The following PDE4D variants were observed in gnomAD, a reference collection of about 807,000 sequenced individuals.
The protein encoded by PDE4D is phosphodiesterase 4D, also known as 3',5'-cyclic-AMP phosphodiesterase 4D.
PDE4D carries 24 observed loss-of-function variants against 87.4 expected under a neutral mutation model. The ratio of observed to expected loss-of-function variants is 0.27; its 90% CI spans 0.20 to 0.39. The LOEUF is 0.39. Ranked by LOEUF, PDE4D falls within the 10% of genes least tolerant of loss-of-function variation. PDE4D has a pLI of 1.00. For missense variants in PDE4D, 714 were observed against 1,041.0 expected, an observed-to-expected ratio of 0.69 and a Z score of 4.32; for synonymous variants, 384 against 383.2, an observed-to-expected ratio of 1.00 and a Z score of -0.02.
chr5:59,333,123 T>C (rs1777032998), intron 1 of PDE4D, among the ~76,000 whole-genome samples: 1 of 152,204 alleles, frequency 6.6e-6, no homozygotes, highest in Non-Finnish European at 1.5e-5. Flanking sequence ...AGGAAAACTC[T>C]TTTGTAGCCA....
chr5:59,661,074 T>TA (rs10646455), intron 1 of PDE4D, among the ~76,000 whole-genome samples: 2 of 140,082 alleles, frequency 1.4e-5, no homozygotes, highest in Non-Finnish European at 3.0e-5. Context: ...CATGATAATA[T>TA]TATATATATA....
chr5:60,320,374 G>A (rs575433169), intron 1 of PDE4D, among the ~76,000 whole-genome samples: 3 of 152,270 alleles, frequency 2.0e-5, no homozygotes, highest in East Asian at 1.9e-4. Context: ...TCCGGATGCC[G>A]TCTGTCACCC....
chr5:59,225,060 C>G (rs1753443266), intron 1 of PDE4D, among the ~76,000 whole-genome samples: 1 of 152,166 alleles, frequency 6.6e-6, no homozygotes, highest in African/African-American at 2.4e-5. Context: ...CTGAAACTCT[C>G]TCTAAGAAAG....
chr5:59,185,220 A>G lies in PDE4D; in HGVS notation c.727T>C (p.Leu243=). The G allele has an allele frequency of 6.2e-7, 1 of 1,613,014 alleles. No individual in the cohort carries two copies. The highest frequency in any genetic ancestry group is 8.5e-7 in the Non-Finnish European group (1 of 1,179,228). Residue 243 remains leucine (L), a synonymous_variant, in exon 4 of 15, where the codon TTA becomes CTA. Coordinates refer to ENST00000340635, the MANE Select transcript of PDE4D (RefSeq NM_001104631.2). ...GGTGCTCGATCTTGCAAATTAGTTAATGCAGCAAAGTTGTTTCGTACAGTT... is the reference window on the plus strand; with the variant it reads ...GGTGCTCGATCTTGCAAATTAGTTAGTGCAGCAAAGTTGTTTCGTACAGTT... The part of the protein sequence containing the change: ...LRTVRNNFAA[L]TNLQDRAPSK...
chr5:59,690,187 T>C lies in PDE4D; in HGVS notation c.455+202981A>G, dbSNP rs181711741. Among the ~76,000 whole-genome samples, 8 of 152,278 alleles carry C rather than the reference T, an allele frequency of 5.3e-5. No individual in the cohort carries two copies. The East Asian group carries it at 5.8e-4, about 11-fold the overall frequency. On this transcript the variant is annotated intron_variant, in intron 1 of 14. Coordinates refer to ENST00000340635, the MANE Select transcript of PDE4D (RefSeq NM_001104631.2). ...AGTGCCATCCCCATCAAGCTACCAA[T>C]GACTTTCTTCACAGAATTGGAAAAA...
intron 1 of PDE4D, among the ~76,000 whole-genome samples, chr5:59,223,486 G>C (rs928868208): frequency 1.3e-5 from 2 of 152,128 alleles, no homozygotes; most frequent in African/African-American, 4.8e-5. Flanking sequence ...CCCTCAAGGG[G>C]AGGGGAGGCT....
At chr5:59,749,254 CTGT>C (rs1046559215) in intron 1 of PDE4D, among the ~76,000 whole-genome samples, 4 of 151,978 alleles carry the variant, frequency 2.6e-5, no homozygotes, top group Non-Finnish European at 4.4e-5. Context: ...TATCACTTTT[CTGT>C]TGTTGTTGTT....
chr5:60,336,657 T>C (rs1561132498), intron 1 of PDE4D, among the ~76,000 whole-genome samples: 1 of 152,194 alleles, frequency 6.6e-6, no homozygotes. Context: ...TCTCACTCCC[T>C]CCTCTCTTTT....
intron 5 of PDE4D, among the ~76,000 whole-genome samples, chr5:59,068,234 T>C (rs1764220530): frequency 6.6e-6 from 1 of 152,212 alleles, no homozygotes; most frequent in Admixed American, 6.5e-5. Flanking sequence ...ATAGATTTCA[T>C]TTGATTTAAC....
At chr5:59,685,725 T>C (rs1008307997) in intron 1 of PDE4D, among the ~76,000 whole-genome samples, 1 of 128,260 alleles carries the variant, frequency 7.8e-6, no homozygotes, top group African/African-American at 4.7e-5. Context: ...AAATAACAGA[T>C]TTTTTTTTTC....
chr5:59,248,052 A>C (rs1207191285), intron 1 of PDE4D, among the ~76,000 whole-genome samples: 1 of 148,960 alleles, frequency 6.7e-6, no homozygotes, highest in African/African-American at 2.5e-5. Flanking sequence ...TAAAAAAAAA[A>C]AAAAAAAAAA....
intron 1 of PDE4D, among the ~76,000 whole-genome samples, chr5:59,677,341 AG>A (rs941629647): frequency 6.6e-6 from 1 of 152,294 alleles, no homozygotes; most frequent in Non-Finnish European, 1.5e-5. Flanking sequence ...TCCACCAAAA[AG>A]CACCCTACTT....
rs115860642 is a variant in PDE4D at position 60,135,428 on chromosome 5, C to T, written c.42+50129G>A. 4.2e-3 allele frequency among the ~76,000 whole-genome samples: 632 copies of T among 152,288 alleles called. 6 individuals are homozygous for T. Among genetic ancestry groups the T allele is most frequent in the African/African-American group, 0.014 (598 of 41,558 alleles). On this transcript the variant is annotated intron_variant, in intron 2 of 16. Transcript: ENST00000502484. ...CCTCTACTTAACATCTCTAGTTGTGCATGCCTACAGGCATATCTCATGGAA... is the reference window on the plus strand; with the variant it reads ...CCTCTACTTAACATCTCTAGTTGTGTATGCCTACAGGCATATCTCATGGAA...
At chr5:59,199,412 T>C (rs958916662) in intron 2 of PDE4D, among the ~76,000 whole-genome samples, 3 of 152,102 alleles carry the variant, frequency 2.0e-5, no homozygotes, top group African/African-American at 7.2e-5. Flanking sequence ...TTGTGCAAAC[T>C]TTTTTCATCT....
chr5:60,320,903 T>C (rs1756191014), intron 1 of PDE4D, among the ~76,000 whole-genome samples: 1 of 151,930 alleles, frequency 6.6e-6, no homozygotes, highest in South Asian at 2.1e-4. Flanking sequence ...AAATCGGAAA[T>C]AACACAATCC....
intron 2 of PDE4D, among the ~76,000 whole-genome samples, chr5:60,069,189 C>T (rs186890645): frequency 1.2e-4 from 19 of 152,240 alleles, no homozygotes; most frequent in Admixed American, 3.9e-4. Flanking sequence ...ACCCAAAATC[C>T]ATATGTTGAA....
intron 2 of PDE4D, among the ~76,000 whole-genome samples, chr5:59,206,038 A>G (rs1473647022): frequency 6.6e-6 from 1 of 152,184 alleles, no homozygotes; most frequent in Non-Finnish European, 1.5e-5. Context: ...CACATTATAT[A>G]TGTTTAGATA....
At chr5:59,605,418 A>G (rs985816071) in intron 1 of PDE4D, among the ~76,000 whole-genome samples, 16 of 152,092 alleles carry the variant, frequency 1.1e-4, no homozygotes, top group African/African-American at 3.9e-4. Flanking sequence ...AAAACATCCC[A>G]TCAAACACAA....
At chr5:59,590,031 G>C (rs1583236570) in intron 1 of PDE4D, among the ~76,000 whole-genome samples, 2 of 152,070 alleles carry the variant, frequency 1.3e-5, no homozygotes, top group Admixed American at 1.3e-4. Flanking sequence ...ACAGTTCAGA[G>C]AATCAAGACT....
Sources: allele counts gnomAD v4.1 joint callset (sites outside exome capture counted in the v4.1 genomes callset), GRCh38; gene constraint gnomAD v4.1.1; transcripts MANE v1.5; gene names NCBI Gene and HGNC (gene_info 2026-07-23, HGNC 2026-07-21).